Variants in MYBPC1 observed in about 807,000 individuals in gnomAD.
The protein encoded by MYBPC1 is myosin-binding protein C, slow-type.
Under a neutral mutation model 147.1 loss-of-function variants are expected in MYBPC1, and 52 were observed. The ratio of observed to expected loss-of-function variants is 0.35; its 90% CI spans 0.28 to 0.45. The LOEUF (loss-of-function observed/expected upper bound fraction) is 0.45. Among genes scored for constraint, MYBPC1 ranks in the 20% least tolerant of loss-of-function variants. The pLI is 1.00. For missense variants in MYBPC1, 1,228 were observed against 1,440.3 expected, an observed-to-expected ratio of 0.85 and a Z score of 2.39; for synonymous variants, 477 against 475.9, an observed-to-expected ratio of 1.00 and a Z score of -0.03.
chr12:101,645,852 T>G (rs1436253748), intron 12 of MYBPC1, among the ~76,000 whole-genome samples: 1 of 152,240 alleles, frequency 6.6e-6, no homozygotes, highest in Non-Finnish European at 1.5e-5. Flanking sequence ...ACTCACATTC[T>G]TTCTTAGTAC....
At chr12:101,598,940 G>A (rs559804997) in intron 1 of MYBPC1, among the ~76,000 whole-genome samples, 1 of 152,260 alleles carries the variant, frequency 6.6e-6, no homozygotes, top group African/African-American at 2.4e-5. Context: ...ACTGAGTTGA[G>A]GCCTTAACAT....
At chr12:101,686,339 G>A (rs1951346637), downstream of MYBPC1, among the ~76,000 whole-genome samples, 1 of 152,180 alleles carries the variant, frequency 6.6e-6, no homozygotes, top group African/African-American at 2.4e-5. Flanking sequence ...ACCCAGGTCT[G>A]CCCTCCCTGT....
chr12:101,682,798 GCT>G, intron 30 of MYBPC1, 136 bp downstream of exon 30: 9 of 807,682 alleles, frequency 1.1e-5, no homozygotes, highest in Non-Finnish European at 1.4e-5. Flanking sequence ...GGCATACAGT[GCT>G]TATGCCATGA....
intron 29 of MYBPC1, among the ~76,000 whole-genome samples, chr12:101,681,687 C>T (rs183449076): frequency 4.0e-3 from 543 of 137,278 alleles, no homozygotes; most frequent in Middle Eastern, 9.7e-3. Flanking sequence ...CAGCTCACTG[C>T]GACCTCTGCC....
intron 24 of MYBPC1, among the ~76,000 whole-genome samples, chr12:101,672,426 G>A (rs1483194598): frequency 6.6e-6 from 1 of 152,208 alleles, no homozygotes; most frequent in African/African-American, 2.4e-5. Context: ...TCAGGTTCAT[G>A]AATGGGATTA....
chr12:101,669,088 A>C (rs867061184), intron 23 of MYBPC1, among the ~76,000 whole-genome samples: 1 of 152,164 alleles, frequency 6.6e-6, no homozygotes, highest in Non-Finnish European at 1.5e-5. Context: ...CCTTGTCTCA[A>C]ATAAAACAAA....
intron 22 of MYBPC1, chr12:101,666,837 T>G: frequency 1.3e-6 from 2 of 1,573,980 alleles, no homozygotes; most frequent in East Asian, 2.2e-5. Flanking sequence ...TCTTACTATA[T>G]TATAATGTTT....
At chr12:101,626,485 T>C (rs1257193165) in intron 3 of MYBPC1, among the ~76,000 whole-genome samples, 1 of 152,194 alleles carries the variant, frequency 6.6e-6, no homozygotes, top group Non-Finnish European at 1.5e-5. Context: ...TCCAAACGAA[T>C]GTGATATATG....
intron 1 of MYBPC1, among the ~76,000 whole-genome samples, chr12:101,595,975 C>T (rs1305030579): frequency 6.6e-6 from 1 of 151,782 alleles, no homozygotes; most frequent in Non-Finnish European, 1.5e-5. Flanking sequence ...ATTAAAATAT[C>T]TTTTAAAAAT....
intron 1 of MYBPC1, among the ~76,000 whole-genome samples, chr12:101,596,711 T>C (rs989909855): frequency 6.6e-5 from 10 of 152,268 alleles, no homozygotes; most frequent in Non-Finnish European, 2.9e-5. Flanking sequence ...CACTCTTTTA[T>C]GGGGAATGAA....
At chr12:101,677,489 A>T in intron 27 of MYBPC1, 95 bp downstream of exon 27, 3 of 1,421,702 alleles carry the variant, frequency 2.1e-6, no homozygotes, top group Non-Finnish European at 2.9e-6. Flanking sequence ...GGAACAAAAA[A>T]ATGGTAAATG....
At chr12:101,690,097 C>T (rs1951393697), downstream of MYBPC1, among the ~76,000 whole-genome samples, 1 of 152,168 alleles carries the variant, frequency 6.6e-6, no homozygotes. Flanking sequence ...ATCACTTGAA[C>T]CCGGGAGGCG....
chr12:101,669,950 AAGAAACTATG>A, intron 23 of MYBPC1: 6 of 349,458 alleles, frequency 1.7e-5, no homozygotes, highest in Admixed American at 4.4e-5. Context: ...GAAAAAAAAA[AAGAAACTATG>A]AAAAGTATGC....
In MYBPC1 at chr12:101,629,278, T is replaced by A. The variant is rs561806717; in HGVS notation, c.179-156T>A. On this transcript the variant is annotated intron_variant, in intron 5 of 31. Transcript: ENST00000361466. ...AGAATGGGAATCTGTTCCCCTCTACTGATGGCTGCTGGGGGCAGAAAGAAT... is the reference window on the plus strand; with the variant it reads ...AGAATGGGAATCTGTTCCCCTCTACAGATGGCTGCTGGGGGCAGAAAGAAT... The A allele has an allele frequency of 8.8e-6, 6 of 683,028 alleles. No individual in the cohort carries two copies. In the African/African-American group the frequency reaches 1.1e-4, roughly 12 times the overall value. 42.3% of individuals were successfully genotyped at this position (683,028 alleles called of 1,614,324 possible). A position where few individuals can be genotyped will look rare whatever the true frequency, so the allele number is the denominator to read the frequency against.
At chr12:101,670,495 A>C in intron 24 of MYBPC1, 86 bp downstream of exon 24, 1 of 1,144,274 alleles carries the variant, frequency 8.7e-7, no homozygotes, top group Non-Finnish European at 1.3e-6. Flanking sequence ...ATTTAAGTTC[A>C]TCATGATTCA....
chr12:101,648,176 C>A (rs1322943965), intron 14 of MYBPC1, 26 bp downstream of exon 14: 10 of 1,526,688 alleles, frequency 6.6e-6, no homozygotes, highest in Non-Finnish European at 8.9e-6. Flanking sequence ...GAAGTCTGTC[C>A]ATGTTTAATA....
intron 8 of MYBPC1, among the ~76,000 whole-genome samples, chr12:101,633,895 C>CTTT (rs571261326): frequency 7.3e-6 from 1 of 137,320 alleles, no homozygotes; most frequent in African/African-American, 2.7e-5. Context: ...ACCTGGAGGG[C>CTTT]TTTTTTTTTT....
At chr12:101,683,941 T>C (rs553230337) in intron 30 of MYBPC1, among the ~76,000 whole-genome samples, 2 of 152,336 alleles carry the variant, frequency 1.3e-5, no homozygotes, top group South Asian at 4.1e-4. Context: ...TTGTACTTGA[T>C]AATTTTGCCT....
chr12:101,638,097 G>T (rs1323905680), intron 10 of MYBPC1, among the ~76,000 whole-genome samples: 2 of 152,142 alleles, frequency 1.3e-5, no homozygotes, highest in East Asian at 3.8e-4. Context: ...TTATGAGTCA[G>T]CTCATTTCCT....
Sources: gnomAD v4.1 joint callset for allele counts (sites outside exome capture counted in the v4.1 genomes callset) on GRCh38, gnomAD v4.1.1 for gene constraint, MANE v1.5 for transcripts, NCBI Gene and HGNC (gene_info 2026-07-23, HGNC 2026-07-21) for gene names.